Variants in CPEB3 observed in about 807,000 individuals in gnomAD.
CPEB3 encodes the protein cytoplasmic polyadenylation element binding protein 3, also known as cytoplasmic polyadenylation element-binding protein 3.
A neutral mutation model predicts 67.2 loss-of-function variants in CPEB3; 20 were observed. That is an observed-to-expected ratio of 0.30 (90% CI 0.21 to 0.43). The LOEUF is 0.43. Ranked by LOEUF, CPEB3 falls within the 20% of genes least tolerant of loss-of-function variation. The probability of loss-of-function intolerance (pLI) is 1.00; values close to 1 mark genes in which losing one functional copy is unlikely to be tolerated. For missense variants in CPEB3, 746 were observed against 968.6 expected (o/e 0.77, Z 3.05); for synonymous variants, 376 against 393.1 (o/e 0.96, Z 0.51).
At chr10:92,160,973 T>A (rs1260683228) in intron 4 of CPEB3, among the ~76,000 whole-genome samples, 1 of 152,188 alleles carries the variant, frequency 6.6e-6, no homozygotes, top group Non-Finnish European at 1.5e-5. Flanking sequence ...CACCGCAACC[T>A]CTGCCTCATG....
chr10:92,087,753 G>A (rs1843433533), intron 8 of CPEB3, among the ~76,000 whole-genome samples: 1 of 152,158 alleles, frequency 6.6e-6, no homozygotes, highest in Admixed American at 6.5e-5. Context: ...ATGCATTCTG[G>A]AGAGGTCCTA....
chr10:92,240,553 G>A (rs11186870), intron 1 of CPEB3, among the ~76,000 whole-genome samples, 192 bp from the exon 2 acceptor site: 33,733 of 152,088 alleles, frequency 0.22, 4,699 homozygotes, highest in Middle Eastern at 0.34. Flanking sequence ...TGTCGAGCAA[G>A]GTCTCTAAAA....
At chr10:92,064,386 A>AG (rs1842472026) in intron 9 of CPEB3, among the ~76,000 whole-genome samples, 1 of 152,184 alleles carries the variant, frequency 6.6e-6, no homozygotes, top group East Asian at 1.9e-4. Flanking sequence ...ATTAGCTCTG[A>AG]GGTTGGGTTC....
chr10:92,095,528 A>G (rs1490604529), intron 7 of CPEB3, among the ~76,000 whole-genome samples: 4 of 149,258 alleles, frequency 2.7e-5, no homozygotes, highest in African/African-American at 9.9e-5. Flanking sequence ...CCTGATATCC[A>G]TGTTCTATCC....
At chr10:92,139,578 G>A (rs1846293985) in intron 6 of CPEB3, among the ~76,000 whole-genome samples, 1 of 151,976 alleles carries the variant, frequency 6.6e-6, no homozygotes, top group African/African-American at 2.4e-5. Flanking sequence ...TGGTTAATAG[G>A]TACAAAAACA....
At chr10:92,245,533 A>C (rs1796666626) in intron 1 of CPEB3, among the ~76,000 whole-genome samples, 1 of 152,116 alleles carries the variant, frequency 6.6e-6, no homozygotes, top group African/African-American at 2.4e-5. Flanking sequence ...AAAACAACTA[A>C]ATGTTTACTT....
chr10:92,152,933 G>A (rs955058859), intron 4 of CPEB3, among the ~76,000 whole-genome samples: 1 of 152,132 alleles, frequency 6.6e-6, no homozygotes, highest in Non-Finnish European at 1.5e-5. Flanking sequence ...TAAAATTTGG[G>A]TGGAAGGCCC....
intron 1 of CPEB3, among the ~76,000 whole-genome samples, chr10:92,278,037 T>A (rs1842075711): frequency 6.6e-6 from 1 of 151,426 alleles, no homozygotes. Flanking sequence ...ACAAAAAAAA[T>A]TAGCTGGGCA....
chr10:92,202,296 C>T (rs967982004), intron 2 of CPEB3, among the ~76,000 whole-genome samples: 5 of 151,954 alleles, frequency 3.3e-5, no homozygotes, highest in Admixed American at 3.3e-4. Flanking sequence ...AACATATGTC[C>T]ACACAAAAAC....
At chr10:92,099,981 T>C (rs1844096098) in intron 7 of CPEB3, among the ~76,000 whole-genome samples, 3 of 152,192 alleles carry the variant, frequency 2.0e-5, no homozygotes, top group South Asian at 2.1e-4. Flanking sequence ...CTGGGCAGCA[T>C]AGTGAGACCC....
intron 5 of CPEB3, among the ~76,000 whole-genome samples, chr10:92,143,589 G>A (rs1262698456): frequency 6.6e-6 from 1 of 151,982 alleles, no homozygotes; most frequent in African/African-American, 2.4e-5. Context: ...AATTCTATTG[G>A]GTGATAAGAA....
chr10:92,244,355 AAACTAATAATAAT>A (rs983375399), intron 1 of CPEB3, among the ~76,000 whole-genome samples: 1 of 152,118 alleles, frequency 6.6e-6, no homozygotes, highest in Non-Finnish European at 1.5e-5. Flanking sequence ...TCAAAAAAAA[AAACTAATAATAAT>A]AACAATTGTA....
intron 4 of CPEB3, among the ~76,000 whole-genome samples, chr10:92,149,980 G>C (rs1846882649): frequency 6.6e-6 from 1 of 152,166 alleles, no homozygotes; most frequent in Admixed American, 6.5e-5. Context: ...TCAAGTTAAG[G>C]AAAGTATATT....
At chr10:92,279,661 C>T (rs1842168610) in intron 1 of CPEB3, among the ~76,000 whole-genome samples, 1 of 151,836 alleles carries the variant, frequency 6.6e-6, no homozygotes, top group Non-Finnish European at 1.5e-5. Flanking sequence ...GTTTTAGGAG[C>T]AACAGCTATT....
chr10:92,280,654 G>GA (rs373137395), intron 1 of CPEB3, among the ~76,000 whole-genome samples: 1,130 of 80,656 alleles, frequency 0.014, 8 homozygotes, highest in African/African-American at 0.019. Flanking sequence ...GGCCGAGAGT[G>GA]AAAAAAAAAA....
intron 7 of CPEB3, among the ~76,000 whole-genome samples, chr10:92,102,188 G>C (rs1020861654): frequency 4.6e-5 from 7 of 152,250 alleles, no homozygotes; most frequent in African/African-American, 1.7e-4. Context: ...TCTGGGGGTA[G>C]TGGAGAGAAA....
chr10:92,061,429 A>C (rs1435530056), intron 9 of CPEB3, among the ~76,000 whole-genome samples: 3 of 151,244 alleles, frequency 2.0e-5, no homozygotes, highest in Non-Finnish European at 4.4e-5. Flanking sequence ...CAAAAAAAAA[A>C]AAAAAAAAAA....
intron 2 of CPEB3, among the ~76,000 whole-genome samples, chr10:92,208,784 G>A (rs1169432707): frequency 6.6e-6 from 1 of 151,808 alleles, no homozygotes; most frequent in South Asian, 2.1e-4. Context: ...CAGTAGAGAC[G>A]GGGTTTCACC....
At chr10:92,054,174 G>A (rs887055929) in intron 9 of CPEB3, among the ~76,000 whole-genome samples, 1 of 152,064 alleles carries the variant, frequency 6.6e-6, no homozygotes, top group African/African-American at 2.4e-5. Flanking sequence ...TGTATTAGCT[G>A]GTTGTGGTGG....
Sources: allele counts gnomAD v4.1 joint callset (sites outside exome capture counted in the v4.1 genomes callset), GRCh38; gene constraint gnomAD v4.1.1; transcripts MANE v1.5; gene names NCBI Gene and HGNC (gene_info 2026-07-23, HGNC 2026-07-21).